SLC36A1: variants seen among roughly 807,000 people sequenced by gnomAD.
SLC36A1 encodes the protein proton-coupled amino acid transporter 1.
SLC36A1 carries 30 observed loss-of-function variants against 47.5 expected under a neutral mutation model. The ratio of observed to expected loss-of-function variants is 0.63; its 90% CI spans 0.47 to 0.86. The LOEUF (loss-of-function observed/expected upper bound fraction) is 0.86. Among genes scored for constraint, SLC36A1 ranks in the 40% least tolerant of loss-of-function variants. SLC36A1 has a pLI of 0.00. For missense variants in SLC36A1, 517 were observed against 606.0 expected, an observed-to-expected ratio of 0.85 and a Z score of 1.54; for synonymous variants, 255 against 249.7, an observed-to-expected ratio of 1.02 and a Z score of -0.20.
At chr5:151,507,787 A>G in the SLC36A1 span, among the ~76,000 whole-genome samples, 1 of 152,036 alleles carries the variant, frequency 6.6e-6, no homozygotes, top group African/African-American at 2.4e-5. Flanking sequence ...ACCTTCCACC[A>G]GTAAAGTATG....
chr5:151,445,428 G>A (rs1752861278), upstream of SLC36A1, among the ~76,000 whole-genome samples: 1 of 152,192 alleles, frequency 6.6e-6, no homozygotes, highest in Admixed American at 6.6e-5. Context: ...AGCGAAATCA[G>A]CCTGTAATTT....
intron 5 of SLC36A1, among the ~76,000 whole-genome samples, chr5:151,466,652 T>C (rs357617): frequency 0.2 from 31,152 of 152,116 alleles, 3,391 homozygotes; most frequent in African/African-American, 0.26. Context: ...ATCCAAGTTA[T>C]AGAGACAGTG....
chr5:151,499,656 C>T, the SLC36A1 span, among the ~76,000 whole-genome samples: 7 of 152,244 alleles, frequency 4.6e-5, no homozygotes, highest in East Asian at 1.2e-3. Context: ...CATGTGCCTC[C>T]CTCCAGAGCA....
At position 151,488,202 on chromosome 5, in the gene SLC36A1, T is replaced by C. The variant is rs1393621454; in HGVS notation, c.1379T>C (p.Ile460Thr). 1.2e-6 allele frequency: 2 copies of C among 1,614,068 alleles called. No homozygotes were observed. The highest frequency in any genetic ancestry group is 2.7e-5 in the African/African-American group (2 of 74,922). Residue 460 changes from isoleucine (I) to threonine (T), a missense_variant, in exon 11 of 11, where the codon ATC (isoleucine) becomes ACC (threonine). Physicochemically the swap from Ile to Thr is moderately conservative, Grantham distance 89. Transcript: ENST00000243389. ...VGTYEALYEL[I>T]QPSNAPIFIN... Reference sequence around the variant, plus strand: ...ACCTATGAGGCTCTCTATGAGCTGATCCAGCCAAGCAATGCTCCCATCTTC... The same window carrying C: ...ACCTATGAGGCTCTCTATGAGCTGACCCAGCCAAGCAATGCTCCCATCTTC...
the SLC36A1 span, among the ~76,000 whole-genome samples, chr5:151,402,932 T>A: frequency 6.6e-6 from 1 of 152,192 alleles, no homozygotes; most frequent in Non-Finnish European, 1.5e-5. Context: ...TCTGTCAGTC[T>A]TGTTTATCCT....
the SLC36A1 span, chr5:151,506,068 G>A: frequency 6.5e-7 from 1 of 1,538,000 alleles, no homozygotes; most frequent in Admixed American, 2.1e-5. Context: ...GAGTAAGTAG[G>A]GGGCCAGACC....
At chr5:151,382,935 AAAACTAGGAATGGGGAT>A in the SLC36A1 span, among the ~76,000 whole-genome samples, 11 of 152,338 alleles carry the variant, frequency 7.2e-5, no homozygotes, top group East Asian at 1.9e-3. Flanking sequence ...GGCTGCCTCT[AAAACTAGGAATGGGGAT>A]ATCTGAAAAC....
intron 1 of SLC36A1, among the ~76,000 whole-genome samples, chr5:151,440,761 T>C (rs899436083): frequency 3.3e-5 from 5 of 152,146 alleles, no homozygotes; most frequent in Non-Finnish European, 4.4e-5. Context: ...AATCTCACTT[T>C]CCTGATGATG....
the SLC36A1 span, among the ~76,000 whole-genome samples, chr5:151,413,848 A>G: frequency 6.6e-5 from 10 of 152,074 alleles, no homozygotes; most frequent in African/African-American, 1.4e-4. Context: ...GGCAGTAGAT[A>G]TTATATTTAT....
chr5:151,537,982 G>A, the SLC36A1 span: 76 of 1,602,476 alleles, frequency 4.7e-5, no homozygotes, highest in Middle Eastern at 5.0e-4. Flanking sequence ...GGAGACTGTG[G>A]GGACTGCATT....
the SLC36A1 span, among the ~76,000 whole-genome samples, chr5:151,415,917 C>T: frequency 0.17 from 25,491 of 152,044 alleles, 2,370 homozygotes; most frequent in East Asian, 0.38. Flanking sequence ...ACCAGCCTGG[C>T]TAACATGGTG....
At chr5:151,532,969 C>T in the SLC36A1 span, among the ~76,000 whole-genome samples, 1 of 152,232 alleles carries the variant, frequency 6.6e-6, no homozygotes, top group Middle Eastern at 3.4e-3. Context: ...TATGAAGAAA[C>T]CATAATTTTT....
chr5:151,549,546 A>G, the SLC36A1 span: 1 of 1,581,282 alleles, frequency 6.3e-7, no homozygotes, highest in African/African-American at 1.3e-5. Context: ...CAGCAAATGG[A>G]ATAGGAGGAG....
chr5:151,525,688 T>C, the SLC36A1 span: 1 of 1,522,984 alleles, frequency 6.6e-7, no homozygotes, highest in Non-Finnish European at 9.1e-7. Flanking sequence ...TTTTCCCTAA[T>C]GACAGAAGCA....
chr5:151,364,800 A>G, the SLC36A1 span, among the ~76,000 whole-genome samples: 1 of 152,202 alleles, frequency 6.6e-6, no homozygotes, highest in Admixed American at 6.5e-5. Context: ...CAAGGACACC[A>G]ACAGGCTTTT....
At chr5:151,347,566 T>G in the SLC36A1 span, 3 of 1,451,822 alleles carry the variant, frequency 2.1e-6, no homozygotes, top group Non-Finnish European at 2.9e-6. Context: ...CAGTGGTGTG[T>G]GCCCGGGCTG....
chr5:151,409,095 C>A, the SLC36A1 span, among the ~76,000 whole-genome samples: 1 of 151,056 alleles, frequency 6.6e-6, no homozygotes, highest in African/African-American at 2.4e-5. Context: ...ACCTCCCAGG[C>A]TCAGGGTGAT....
chr5:151,385,915 G>A, the SLC36A1 span, among the ~76,000 whole-genome samples: 6 of 147,544 alleles, frequency 4.1e-5, no homozygotes, highest in South Asian at 1.1e-3. Context: ...ACTGTCTCCC[G>A]GGCTGGAGTG....
chr5:151,509,136 G>A, the SLC36A1 span, among the ~76,000 whole-genome samples: 1 of 152,172 alleles, frequency 6.6e-6, no homozygotes, highest in Non-Finnish European at 1.5e-5. Context: ...ACCTGCCCAA[G>A]TGGAACCATT....
Sources: allele counts gnomAD v4.1 joint callset (sites outside exome capture counted in the v4.1 genomes callset), GRCh38; gene constraint gnomAD v4.1.1; transcripts MANE v1.5; gene names NCBI Gene and HGNC (gene_info 2026-07-23, HGNC 2026-07-21).